Variants in SLC4A10 observed in about 807,000 individuals in gnomAD.
SLC4A10 encodes the protein sodium-driven chloride bicarbonate exchanger.
Under a neutral mutation model 137.7 loss-of-function variants are expected in SLC4A10, and 42 were observed. That is an observed-to-expected ratio of 0.30 (90% CI 0.24 to 0.39). The LOEUF is 0.39. SLC4A10 is among the 10% of genes least tolerant of loss of function. The pLI, the probability that SLC4A10 is intolerant of heterozygous loss-of-function variation, is 1.00. For synonymous variants in SLC4A10, 474 were observed against 464.1 expected (o/e 1.02, Z -0.27); for missense variants, 925 against 1,355.0 (o/e 0.68, Z 4.98).
chr2:161,882,575 G>A (rs2061884511), intron 10 of SLC4A10, 131 bp downstream of exon 10: 1 of 482,096 alleles, frequency 2.1e-6, no homozygotes, highest in East Asian at 3.4e-5. Flanking sequence ...CCATGCTTCT[G>A]CTATAAAATC....
chr2:161,632,225 G>A (rs2105414283), intron 1 of SLC4A10, among the ~76,000 whole-genome samples: 1 of 151,762 alleles, frequency 6.6e-6, no homozygotes, highest in Admixed American at 6.6e-5. Context: ...TAAAAAGTAG[G>A]TATATAACAA....
intron 1 of SLC4A10, among the ~76,000 whole-genome samples, chr2:161,632,576 A>G (rs1191051045): frequency 6.6e-6 from 1 of 151,674 alleles, no homozygotes; most frequent in Non-Finnish European, 1.5e-5. Context: ...TAATTGACAG[A>G]ACACCTATAG....
At chr2:161,895,928 T>A (rs2063448286) in intron 11 of SLC4A10, among the ~76,000 whole-genome samples, 1 of 151,384 alleles carries the variant, frequency 6.6e-6, no homozygotes, top group Non-Finnish European at 1.5e-5. Context: ...TTAGATCCCA[T>A]TTGTCAATTT....
intron 3 of SLC4A10, among the ~76,000 whole-genome samples, chr2:161,838,117 A>T (rs956783005): frequency 1.3e-4 from 20 of 152,210 alleles, no homozygotes; most frequent in African/African-American, 3.6e-4. Context: ...GGCCTAGATC[A>T]ATGGGACATT....
At position 161,903,928 on chromosome 2, in the gene SLC4A10, A is replaced by G. The variant is rs183805229; in HGVS notation, c.1443-76A>G. 1,300 of 1,427,076 alleles carry G rather than the reference A, an allele frequency of 9.1e-4. 1 individual carries two copies. Among genetic ancestry groups the G allele is most frequent in the Admixed American group, 2.6e-3 (111 of 42,600 alleles). The allele number at this position is 1,427,076 out of a possible 1,614,324, so 88.4% of individuals were successfully genotyped here. Reference sequence around the variant, plus strand: ...GGAAAACGTATACTGTGACCTGGCAACAAAGCAAATGAGCATTTTGACTTG... The same window carrying G: ...GGAAAACGTATACTGTGACCTGGCAGCAAAGCAAATGAGCATTTTGACTTG... On this transcript the variant is annotated intron_variant, in intron 12 of 26. Coordinates refer to ENST00000446997, the MANE Select transcript of SLC4A10 (RefSeq NM_001178015.2).
chr2:161,779,549 C>A (rs1371627390), intron 2 of SLC4A10, among the ~76,000 whole-genome samples: 1 of 151,866 alleles, frequency 6.6e-6, no homozygotes, highest in Non-Finnish European at 1.5e-5. Context: ...ATTGTAATTT[C>A]AAGTGTTTTA....
At chr2:161,701,040 T>C in intron 1 of SLC4A10, among the ~76,000 whole-genome samples, 1 of 152,096 alleles carries the variant, frequency 6.6e-6, no homozygotes. Context: ...CTGCTTCACA[T>C]GTAATAATCA....
chr2:161,893,299 C>A (rs2063103490), intron 10 of SLC4A10, among the ~76,000 whole-genome samples: 1 of 152,122 alleles, frequency 6.6e-6, no homozygotes, highest in Non-Finnish European at 1.5e-5. Context: ...GTAACTCATA[C>A]TTTGAGTGGA....
Position 161,983,320 on chromosome 2 carries a change from T to C in SLC4A10, c.*168T>C, listed in dbSNP as rs1345302389. 3.7e-6 allele frequency: 5 copies of C among 1,367,024 alleles called. No homozygotes were observed. The highest frequency in any genetic ancestry group is 1.9e-4 in the Middle Eastern group (1 of 5,364). The allele number at this position is 1,367,024 out of a possible 1,614,324, so 84.7% of individuals were successfully genotyped here. ...TATTAATAAAACTGCTTTGATCATGTATTGTAAATTCTGTCCCTCAACCCA... is the reference window on the plus strand; with the variant it reads ...TATTAATAAAACTGCTTTGATCATGCATTGTAAATTCTGTCCCTCAACCCA... On this transcript the variant is annotated 3_prime_UTR_variant, in exon 27 of 27. Transcript: ENST00000446997.
chr2:161,846,940 C>G (rs1029897916), intron 4 of SLC4A10, among the ~76,000 whole-genome samples: 2 of 151,858 alleles, frequency 1.3e-5, no homozygotes, highest in Admixed American at 1.3e-4. Flanking sequence ...GATAAAAATG[C>G]ATAGAATGGA....
At chr2:161,851,746 G>A (rs182132495) in intron 4 of SLC4A10, among the ~76,000 whole-genome samples, 1 of 152,232 alleles carries the variant, frequency 6.6e-6, no homozygotes, top group Admixed American at 6.5e-5. Context: ...TGTTATTACA[G>A]CTTACAAACA....
intron 1 of SLC4A10, among the ~76,000 whole-genome samples, chr2:161,745,833 G>A (rs1239451435): frequency 6.6e-6 from 1 of 152,112 alleles, no homozygotes; most frequent in Non-Finnish European, 1.5e-5. Flanking sequence ...GACTAAAAGA[G>A]GTACTGCCTT....
chr2:161,967,153 A>G (rs577426445), intron 23 of SLC4A10, among the ~76,000 whole-genome samples: 1 of 152,200 alleles, frequency 6.6e-6, no homozygotes, highest in African/African-American at 2.4e-5. Context: ...CATTCTCCTC[A>G]TATCTGTGTG....
intron 1 of SLC4A10, among the ~76,000 whole-genome samples, chr2:161,759,565 G>A (rs922117012): frequency 6.6e-6 from 1 of 151,812 alleles, no homozygotes; most frequent in Non-Finnish European, 1.5e-5. Flanking sequence ...TCTACATATA[G>A]GTGAGATCAT....
At chr2:161,780,572 T>G (rs959013057) in intron 2 of SLC4A10, among the ~76,000 whole-genome samples, 5 of 152,078 alleles carry the variant, frequency 3.3e-5, no homozygotes, top group African/African-American at 9.7e-5. Flanking sequence ...TAAGTCGAAT[T>G]ATTTTTCTAT....
chr2:161,877,658 T>A (rs1284627299), intron 8 of SLC4A10, among the ~76,000 whole-genome samples: 1 of 152,002 alleles, frequency 6.6e-6, no homozygotes, highest in East Asian at 1.9e-4. Flanking sequence ...AAGATCAGAT[T>A]CCACAAAAGC....
intron 1 of SLC4A10, among the ~76,000 whole-genome samples, chr2:161,759,656 A>C (rs999808125): frequency 1.3e-5 from 2 of 151,968 alleles, no homozygotes; most frequent in African/African-American, 4.8e-5. Flanking sequence ...CATCTTTGGA[A>C]AAATGTTTAC....
intron 3 of SLC4A10, among the ~76,000 whole-genome samples, chr2:161,825,963 A>G (rs2125711174): frequency 6.6e-6 from 1 of 152,346 alleles, no homozygotes; most frequent in Non-Finnish European, 1.5e-5. Flanking sequence ...ATGTGGAAAT[A>G]AATATCTGTT....
In SLC4A10 at chr2:161,985,201, T is replaced by C. The variant is rs2106050363; in HGVS notation, c.*2049T>C. Reference sequence around the variant, plus strand: ...TAATGTGTAAATGTGACTAGGATATTGTGTTTTTCACAATTAAGAAATGTT... The same window carrying C: ...TAATGTGTAAATGTGACTAGGATATCGTGTTTTTCACAATTAAGAAATGTT... On this transcript the variant is annotated 3_prime_UTR_variant, in exon 27 of 27. Transcript: ENST00000446997. 1 of 152,258 alleles carries C rather than the reference T, an allele frequency of 6.6e-6. No homozygotes were observed. The highest frequency in any genetic ancestry group is 6.5e-5 in the Admixed American group (1 of 15,300). 9.4% of individuals were successfully genotyped at this position (152,258 alleles called of 1,614,324 possible). A position where few individuals can be genotyped will look rare whatever the true frequency, so the allele number is the denominator to read the frequency against.
Sources: allele counts gnomAD v4.1 joint callset (sites outside exome capture counted in the v4.1 genomes callset), GRCh38; gene constraint gnomAD v4.1.1; transcripts MANE v1.5; gene names NCBI Gene and HGNC (gene_info 2026-07-23, HGNC 2026-07-21).